The following LRRC7 variants were observed in gnomAD, a reference collection of about 807,000 sequenced individuals.
LRRC7 encodes leucine-rich repeat-containing protein 7.
In LRRC7, 23 loss-of-function variants were observed where a neutral mutation model predicts 175.7. That is an observed-to-expected ratio of 0.13 (90% CI 0.09 to 0.19). LRRC7 has a LOEUF of 0.19. Among genes scored for constraint, LRRC7 ranks in the 10% least tolerant of loss-of-function variants. The probability of loss-of-function intolerance (pLI) is 1.00; values close to 1 mark genes in which losing one functional copy is unlikely to be tolerated. For synonymous variants in LRRC7, 685 were observed against 680.9 expected (o/e 1.01, Z -0.09); for missense variants, 1,354 against 1,904.7 (o/e 0.71, Z 5.38).
At chr1:69,826,267 A>G (rs1270024147) in intron 5 of LRRC7, among the ~76,000 whole-genome samples, 2 of 152,156 alleles carry the variant, frequency 1.3e-5, no homozygotes, top group East Asian at 3.9e-4. Context: ...AATAGAAAGT[A>G]CTTGTATACC....
At chr1:69,685,541 A>G (rs1157140236) in intron 2 of LRRC7, among the ~76,000 whole-genome samples, 1 of 152,156 alleles carries the variant, frequency 6.6e-6, no homozygotes, top group Non-Finnish European at 1.5e-5. Flanking sequence ...ATAAAAAAGA[A>G]CCAAATGGAA....
intron 26 of LRRC7, 132 bp from the exon 27 acceptor site, chr1:70,121,648 G>C (rs1168121849): frequency 1.7e-6 from 1 of 601,690 alleles, no homozygotes; most frequent in Non-Finnish European, 3.0e-6. Context: ...TTCCATAATT[G>C]CGATTCCATT....
intron 1 of LRRC7, among the ~76,000 whole-genome samples, chr1:69,588,555 G>A (rs1280192245): frequency 6.6e-6 from 1 of 152,104 alleles, no homozygotes; most frequent in East Asian, 1.9e-4. Context: ...CTTTGACATT[G>A]TAAAACCTAA....
chr1:69,901,923 T>C (rs1382376637), intron 7 of LRRC7, among the ~76,000 whole-genome samples: 1 of 152,138 alleles, frequency 6.6e-6, no homozygotes, highest in East Asian at 1.9e-4. Flanking sequence ...CAAGCTCTCA[T>C]AGTACTCTGA....
rs1298886500 is a variant in LRRC7 at position 70,039,750 on chromosome 1, G to A, written c.3926G>A (p.Arg1309Lys). The A allele has an allele frequency of 6.2e-7, 1 of 1,611,932 alleles. No individual in the cohort carries two copies. Among genetic ancestry groups the A allele is most frequent in the Admixed American group, 1.7e-5 (1 of 59,712 alleles). The change falls in exon 21 of 27, where the codon AGA becomes AAA. Residue 1309 changes from arginine to lysine, a missense_variant. Transcript: ENST00000651989. ...TGTGGTAAAATGCCTGCAGACTGGA[G>A]ACAACAGCTGCTTAGACATATAGAA... ...ESCGKMPADW[R>K]QQLLRHIEAR...
At chr1:69,961,652 A>G (rs1324641783) in intron 8 of LRRC7, among the ~76,000 whole-genome samples, 2 of 152,188 alleles carry the variant, frequency 1.3e-5, no homozygotes, top group African/African-American at 4.8e-5. Context: ...GACCAATGGA[A>G]CAGAACAGAA....
intron 7 of LRRC7, among the ~76,000 whole-genome samples, chr1:69,921,689 T>C (rs1646893135): frequency 6.6e-6 from 1 of 152,170 alleles, no homozygotes; most frequent in African/African-American, 2.4e-5. Context: ...ATGGCTAACA[T>C]ATCCTGTCCC....
At chr1:69,931,604 C>T (rs747567768) in intron 8 of LRRC7, 34 bp downstream of exon 8, 1 of 1,509,600 alleles carries the variant, frequency 6.6e-7, no homozygotes, top group Non-Finnish European at 9.2e-7. Flanking sequence ...CTGATAAATA[C>T]CCTTCAGGAG....
intron 5 of LRRC7, among the ~76,000 whole-genome samples, chr1:69,828,575 A>G (rs1361200509): frequency 6.6e-6 from 1 of 152,106 alleles, no homozygotes; most frequent in Non-Finnish European, 1.5e-5. Context: ...TTTATACATT[A>G]AAGGGAGAAA....
At chr1:69,951,169 C>A (rs1649879322) in intron 8 of LRRC7, among the ~76,000 whole-genome samples, 1 of 150,428 alleles carries the variant, frequency 6.6e-6, no homozygotes, top group African/African-American at 2.4e-5. Flanking sequence ...ATGCGGCCAA[C>A]AAACATATGA....
At chr1:69,751,460 A>G (rs115677056) in intron 2 of LRRC7, among the ~76,000 whole-genome samples, 3,878 of 152,230 alleles carry the variant, frequency 0.025, 93 homozygotes, top group Admixed American at 0.078. Flanking sequence ...AAAATATTTA[A>G]TATAGAAGGA....
Position 69,629,648 on chromosome 1 carries a change from A to G in LRRC7, c.3-48733A>G, listed in dbSNP as rs183983269. ...TATTTTGACATAGTTTTGACTCTTT[A>G]GTATGTCACTTTATCCAATGTATCT... is the stretch of plus-strand genomic sequence containing the variant. On this transcript the variant is annotated intron_variant, in intron 1 of 26. Transcript: ENST00000651989. Among the ~76,000 whole-genome samples, 1,122 of 152,220 alleles carry G rather than the reference A, an allele frequency of 7.4e-3. 11 individuals are homozygous for G. The highest frequency in any genetic ancestry group is 0.025 in the African/African-American group (1,052 of 41,538).
chr1:69,785,810 G>T (rs181063712), intron 3 of LRRC7, among the ~76,000 whole-genome samples: 1 of 152,020 alleles, frequency 6.6e-6, no homozygotes, highest in Admixed American at 6.5e-5. Context: ...ATAATAATCC[G>T]AATATGAGTG....
At chr1:69,906,408 C>A (rs1646313168) in intron 7 of LRRC7, among the ~76,000 whole-genome samples, 1 of 152,166 alleles carries the variant, frequency 6.6e-6, no homozygotes, top group South Asian at 2.1e-4. Flanking sequence ...ACATGTAAGT[C>A]TTCAATCCAT....
chr1:70,049,692 C>A (rs1352466958), intron 22 of LRRC7, among the ~76,000 whole-genome samples: 1 of 152,048 alleles, frequency 6.6e-6, no homozygotes, highest in East Asian at 1.9e-4. Flanking sequence ...CATTATATTA[C>A]CACCTTCAGA....
At chr1:69,887,603 C>T (rs1338164834) in intron 7 of LRRC7, among the ~76,000 whole-genome samples, 2 of 152,164 alleles carry the variant, frequency 1.3e-5, no homozygotes. Context: ...CGTCTGAAGC[C>T]TTCTTCTCTC....
chr1:69,691,915 G>A (rs1246467992), intron 2 of LRRC7, among the ~76,000 whole-genome samples: 4 of 151,212 alleles, frequency 2.6e-5, no homozygotes, highest in East Asian at 1.9e-4. Context: ...CTTTCATATT[G>A]CAAAACAATT....
chr1:69,617,612 A>G, intron 1 of LRRC7, among the ~76,000 whole-genome samples: 1 of 150,158 alleles, frequency 6.7e-6, no homozygotes, highest in East Asian at 2.0e-4. Context: ...TGGAGTCTAC[A>G]AGTGGAGGAA....
intron 3 of LRRC7, among the ~76,000 whole-genome samples, chr1:69,765,660 G>A (rs949412489): frequency 1.3e-5 from 2 of 152,050 alleles, no homozygotes; most frequent in East Asian, 1.9e-4. Context: ...AGCTCAGGGT[G>A]ATACAAATTA....
Sources: gnomAD v4.1 joint callset for allele counts (sites outside exome capture counted in the v4.1 genomes callset) on GRCh38, gnomAD v4.1.1 for gene constraint, MANE v1.5 for transcripts, NCBI Gene and HGNC (gene_info 2026-07-23, HGNC 2026-07-21) for gene names.